TNRC6C: variants seen among roughly 807,000 people sequenced by gnomAD.
TNRC6C encodes the protein trinucleotide repeat-containing gene 6C protein.
TNRC6C carries 20 observed loss-of-function variants against 153.7 expected under a neutral mutation model. The observed-to-expected ratio is 0.13, with a 90% CI of 0.09 to 0.19. The LOEUF is 0.19. Ranked by LOEUF, TNRC6C falls within the 10% of genes least tolerant of loss-of-function variation. TNRC6C has a pLI of 1.00. For synonymous variants in TNRC6C, 811 were observed against 841.4 expected (o/e 0.96, Z 0.63); for missense variants, 1,987 against 2,172.0 (o/e 0.91, Z 1.69).
chr17:78,007,787 G>C (rs2071548742), intron 1 of TNRC6C, among the ~76,000 whole-genome samples: 1 of 152,198 alleles, frequency 6.6e-6, no homozygotes, highest in South Asian at 2.1e-4. Context: ...CATTGTAGAA[G>C]TTTGAATAAT....
intron 3 of TNRC6C, among the ~76,000 whole-genome samples, chr17:78,060,943 T>C (rs1281920249): frequency 2.6e-5 from 4 of 152,242 alleles, no homozygotes; most frequent in African/African-American, 9.6e-5. Flanking sequence ...TGTTTCTTGG[T>C]CCTATTTCTT....
At chr17:78,069,314 A>G (rs1231349236) in intron 5 of TNRC6C, among the ~76,000 whole-genome samples, 1 of 152,188 alleles carries the variant, frequency 6.6e-6, no homozygotes, top group Non-Finnish European at 1.5e-5. Flanking sequence ...ACGGACTCAC[A>G]GGAAGGCAGT....
intron 9 of TNRC6C, chr17:78,077,634 G>A (rs181132395): frequency 2.2e-5 from 9 of 410,668 alleles, no homozygotes; most frequent in Admixed American, 8.0e-5. Context: ...AGTGGTCTTC[G>A]GCTGCCGGAT....
intron 1 of TNRC6C, among the ~76,000 whole-genome samples, chr17:78,029,880 TC>T (rs2072028729): frequency 6.6e-6 from 1 of 152,014 alleles, no homozygotes; most frequent in Non-Finnish European, 1.5e-5. Flanking sequence ...AGTATCACTA[TC>T]TTCCACCTCC....
At position 78,006,492 on chromosome 17, in the gene TNRC6C, T is replaced by TTTCTTCTTCTTC. The variant is rs57078929; in HGVS notation, c.-546+1471_-546+1482dup. On this transcript the variant is annotated intron_variant, in intron 1 of 19. Transcript: ENST00000301624. Reference sequence around the variant, plus strand: ...CATCCATTTCTTCTTCTTCTTCTTCTTTCTTCTTCTTCTTCTTCTTCTTCT... The same window carrying TTTCTTCTTCTTC: ...CATCCATTTCTTCTTCTTCTTCTTCTTTCTTCTTCTTCTTCTTCTTCTTCTTCTTCTTCTTCT... 1.2e-3 allele frequency among the ~76,000 whole-genome samples: 136 copies of TTTCTTCTTCTTC among 110,496 alleles called. 1 individual carries two copies. Among genetic ancestry groups the TTTCTTCTTCTTC allele is most frequent in the East Asian group, 4.6e-3 (17 of 3,666 alleles). The allele number at this position is 110,496 out of a possible 152,430, so 72.5% of individuals were successfully genotyped here.
intron 1 of TNRC6C, among the ~76,000 whole-genome samples, chr17:77,980,955 G>A (rs577831249): frequency 6.6e-6 from 1 of 152,134 alleles, no homozygotes; most frequent in African/African-American, 2.4e-5. Context: ...ATCCTTTTGG[G>A]TTTGTTTTGT....
intron 2 of TNRC6C, among the ~76,000 whole-genome samples, chr17:78,037,961 C>T (rs1415465810): frequency 2.0e-5 from 3 of 152,030 alleles, no homozygotes; most frequent in Non-Finnish European, 4.4e-5. Flanking sequence ...GATCCAGGAA[C>T]TATGATATAA....
intron 9 of TNRC6C, 159 bp downstream of exon 11, chr17:78,077,493 C>T: frequency 1.1e-6 from 1 of 912,702 alleles, no homozygotes; most frequent in Non-Finnish European, 1.6e-6. Context: ...CTTCAGGTGA[C>T]TTACTGGAGT....
intron 1 of TNRC6C, among the ~76,000 whole-genome samples, chr17:78,029,146 A>G (rs2072006610): frequency 6.6e-6 from 1 of 152,234 alleles, no homozygotes; most frequent in Non-Finnish European, 1.5e-5. Context: ...GCCCAACTGC[A>G]TTCTTTCCCA....
intron 1 of TNRC6C, among the ~76,000 whole-genome samples, chr17:78,024,360 T>G (rs930242350): frequency 7.2e-5 from 11 of 152,148 alleles, no homozygotes; most frequent in Middle Eastern, 3.4e-3. Context: ...TTTTTGGTTT[T>G]TTTGTTTGTT....
At chr17:78,073,207 C>A in intron 7 of TNRC6C, 113 bp downstream of exon 9, 1 of 854,010 alleles carries the variant, frequency 1.2e-6, no homozygotes, top group Non-Finnish European at 1.7e-6. Context: ...GTAGACAGGA[C>A]CAGGCCACAG....
intron 8 of TNRC6C, among the ~76,000 whole-genome samples, chr17:78,076,540 T>C (rs1244438407): frequency 1.3e-5 from 2 of 152,196 alleles, no homozygotes; most frequent in Non-Finnish European, 2.9e-5. Flanking sequence ...TATCTGAAAT[T>C]CCAATGTAAC....
rs765974589 is a variant in TNRC6C at position 78,075,130 on chromosome 17, C to T, written c.2918-6C>T. On this transcript the variant is annotated splice_region_variant and splice_polypyrimidine_tract_variant and intron_variant, in intron 7 of 19. Coordinates refer to ENST00000301624, the Ensembl canonical transcript of TNRC6C. The surrounding 1 kb of genome is among the most constrained non-coding windows in gnomAD (Gnocchi z 4.2). ...TACAACATTGCTTCTGTTTGTTGTG[C>T]TCCAGGCGCTCTGCTGGAAAAGAAG... The T allele has an allele frequency of 1.2e-6, 2 of 1,613,002 alleles. No individual in the cohort carries two copies. Among genetic ancestry groups the T allele is most frequent in the South Asian group, 2.2e-5 (2 of 90,796 alleles).
Position 78,045,318 on chromosome 17 carries a change from A to C in TNRC6C, c.-218-3527A>C, listed in dbSNP as rs576904279. ...ATGTAAACTCAACAGGCATGACTTC[A>C]TCCTTATGGCATCCTATATGGCCAT... On this transcript the variant is annotated intron_variant, in intron 2 of 19. Coordinates refer to ENST00000301624, the Ensembl canonical transcript of TNRC6C. Among the ~76,000 whole-genome samples the C allele has an allele frequency of 3.3e-5, 5 of 152,306 alleles. No individual in the cohort carries two copies. The South Asian group carries it at 1.0e-3, about 32-fold the overall frequency.
chr17:78,087,175 C>T, intron 13 of TNRC6C, 82 bp downstream of exon 15: 1 of 1,549,154 alleles, frequency 6.5e-7, no homozygotes, highest in Non-Finnish European at 8.7e-7. Context: ...GGCAGCATTT[C>T]AGTGGTTAGG....
rs142883742 is a variant in TNRC6C at position 77,975,845 on chromosome 17, G to T, written c.-38+16577G>T. Among the ~76,000 whole-genome samples, 255 of 152,226 alleles carry T rather than the reference G, an allele frequency of 1.7e-3. 1 individual carries two copies. The highest frequency in any genetic ancestry group is 5.6e-3 in the African/African-American group (234 of 41,534). On this transcript the variant is annotated intron_variant, in intron 1 of 22. Coordinates refer to the TNRC6C transcript ENST00000636222. ...GTGGAAAGGATACCATCTTATAGGA[G>T]AATCCTATAAATTGAATAAATGCAT...
At chr17:78,007,608 T>C (rs2071544711) in intron 1 of TNRC6C, among the ~76,000 whole-genome samples, 1 of 152,222 alleles carries the variant, frequency 6.6e-6, no homozygotes, top group African/African-American at 2.4e-5. Context: ...TGTGTGTCTA[T>C]GAGGGCAGGG....
chr17:78,030,022 A>G (rs922418162), intron 1 of TNRC6C, among the ~76,000 whole-genome samples: 2 of 152,108 alleles, frequency 1.3e-5, no homozygotes, highest in East Asian at 3.8e-4. Context: ...GCTTTTTTTT[A>G]TGTAGAAGCA....
intron 5 of TNRC6C, among the ~76,000 whole-genome samples, chr17:78,069,055 T>A (rs958862616): frequency 1.3e-5 from 2 of 152,128 alleles, no homozygotes; most frequent in African/African-American, 4.8e-5. Context: ...TAAAATAAAA[T>A]TTTTTTGTGT....
Sources: gnomAD v4.1 joint callset for allele counts (sites outside exome capture counted in the v4.1 genomes callset) on GRCh38, gnomAD v4.1.1 for gene constraint, Gnocchi (gnomAD v3.1) non-coding constraint, MANE v1.5 for transcripts, NCBI Gene and HGNC (gene_info 2026-07-23, HGNC 2026-07-21) for gene names.